The following TERF2IP variants were observed in gnomAD, a reference collection of about 807,000 sequenced individuals.
The protein encoded by TERF2IP is TERF2 interacting protein, also known as telomeric repeat-binding factor 2-interacting protein 1.
TERF2IP carries 35 observed loss-of-function variants against 33.3 expected under a neutral mutation model. That is an observed-to-expected ratio of 1.05 (90% CI 0.80 to 1.39). The LOEUF is 1.39. Among genes scored for constraint, TERF2IP ranks in the 40% most tolerant of loss-of-function variants. The probability of loss-of-function intolerance (pLI) is 0.00; values close to 1 mark genes in which losing one functional copy is unlikely to be tolerated. For synonymous variants in TERF2IP, 253 were observed against 223.2 expected (o/e 1.13, Z -1.19); for missense variants, 583 against 524.8 (o/e 1.11, Z -1.08).
intron 2 of TERF2IP, 133 bp from the exon 3 acceptor site, chr16:75,656,074 T>C: frequency 1.2e-6 from 1 of 834,802 alleles, no homozygotes; most frequent in Admixed American, 2.4e-5. Flanking sequence ...ACACAGCATA[T>C]TAAGAGGAAC....
At chr16:75,651,506 G>T (rs369022628) in intron 1 of TERF2IP, among the ~76,000 whole-genome samples, 3 of 152,212 alleles carry the variant, frequency 2.0e-5, no homozygotes, top group East Asian at 3.8e-4. Context: ...TGGCCAACAT[G>T]ATGAAACTCC....
At chr16:75,651,360 C>T (rs1000855639) in intron 1 of TERF2IP, among the ~76,000 whole-genome samples, 1 of 151,836 alleles carries the variant, frequency 6.6e-6, no homozygotes, top group African/African-American at 2.4e-5. Flanking sequence ...AATAAGCGGC[C>T]GATAAACAAA....
At chr16:75,655,427 A>T (rs1393658413) in intron 2 of TERF2IP, among the ~76,000 whole-genome samples, 2 of 152,258 alleles carry the variant, frequency 1.3e-5, no homozygotes, top group Non-Finnish European at 2.9e-5. Context: ...ATTCATATTA[A>T]CAAAGAAAAA....
In TERF2IP at chr16:75,648,297, G is replaced by C. The variant is rs964930518; in HGVS notation, c.415G>C (p.Ala139Pro). Reference protein sequence around the residue: ...RHAGRIAFTDADDVAILTYVK... With the variant: ...RHAGRIAFTDPDDVAILTYVK... ...CGCCGGGCGGATCGCCTTCACGGAT[G>C]CGGACGACGTAGCCATCCTTACCTA... The change falls in exon 1 of 3, where the codon GCG (alanine) becomes CCG (proline). Residue 139 changes from alanine to proline, a missense_variant. By Grantham distance (27) the Ala-to-Pro change is conservative (BLOSUM62 -1). Coordinates refer to ENST00000300086, the MANE Select transcript of TERF2IP (RefSeq NM_018975.4). 1 of 1,553,970 alleles carries C rather than the reference G, an allele frequency of 6.4e-7. No individual in the cohort carries two copies. Among genetic ancestry groups the C allele is most frequent in the African/African-American group, 1.4e-5 (1 of 73,538 alleles).
At position 75,648,482 on chromosome 16, in the gene TERF2IP, G is replaced by A. The variant is rs775097421; in HGVS notation, c.600G>A (p.Ala200=). 1.3e-6 allele frequency: 2 copies of A among 1,591,372 alleles called. No homozygotes were observed. Among genetic ancestry groups the A allele is most frequent in the Admixed American group, 1.8e-5 (1 of 56,028 alleles). ...AGCATAAGTACCTGCTGGGGGACGCGCCGGTGAGCCCCTCCTCCCAGAAGC... is the reference window on the plus strand; with the variant it reads ...AGCATAAGTACCTGCTGGGGGACGCACCGGTGAGCCCCTCCTCCCAGAAGC... ...GQEHKYLLGD[A]PVSPSSQKLK... The change falls in exon 1 of 3, where the codon GCG becomes GCA. Residue 200 remains alanine (A), a synonymous_variant. Transcript: ENST00000300086.
chr16:75,656,526 A>G lies in TERF2IP; in HGVS notation c.1115A>G (p.Lys372Arg), dbSNP rs145251422. 6.5e-5 allele frequency: 105 copies of G among 1,614,106 alleles called. No homozygotes were observed. Among genetic ancestry groups the G allele is most frequent in the Middle Eastern group, 1.6e-4 (1 of 6,084 alleles). The change falls in exon 3 of 3, where the codon AAA (lysine) becomes AGA (arginine). Residue 372 changes from lysine (K) to arginine (R), a missense_variant. Lys to Arg is a conservative substitution (Grantham distance 26, BLOSUM62 2). Transcript: ENST00000300086. The stretch of plus-strand genomic sequence containing the variant: ...CGACAAGATGACATAGATTTGCAAA[A>G]AGATGATGAGGATACCAGAGAGGCA... ...WSRQDDIDLQ[K>R]DDEDTREALV... is the part of the protein sequence containing the mutation.
chr16:75,652,781 G>A lies in TERF2IP; in HGVS notation c.671-1492G>A, dbSNP rs1406885005. ...GTTCTGTTCAGTGGCATTATTAAGT[G>A]CATTCACATTGTTGGGCAACTGTCA... is the stretch of plus-strand genomic sequence containing the variant. On this transcript the variant is annotated intron_variant, in intron 1 of 2. Coordinates refer to ENST00000300086, the MANE Select transcript of TERF2IP (RefSeq NM_018975.4). Among the ~76,000 whole-genome samples the A allele has an allele frequency of 5.3e-5, 8 of 152,240 alleles. No homozygotes were observed. The East Asian group carries it at 1.5e-3, about 29-fold the overall frequency.
chr16:75,648,006 C>G lies in TERF2IP; in HGVS notation c.124C>G (p.Leu42Val), dbSNP rs1280504901. 1 of 1,613,134 alleles carries G rather than the reference C, an allele frequency of 6.2e-7. No homozygotes were observed. Among genetic ancestry groups the G allele is most frequent in the Admixed American group, 1.7e-5 (1 of 60,006 alleles). Residue 42 changes from leucine (L) to valine (V), a missense_variant, in exon 1 of 3, where the codon CTG becomes GTG. Transcript: ENST00000300086. ...GCGGCCCAGCCCGGCCAAGCGTCGGCTGTCGACGCTCATCCTGCACGGCGG... is the reference window on the plus strand; with the variant it reads ...GCGGCCCAGCCCGGCCAAGCGTCGGGTGTCGACGCTCATCCTGCACGGCGG... ...YVRPSPAKRR[L>V]STLILHGGGT...
chr16:75,655,971 C>T (rs1427035510), intron 2 of TERF2IP, among the ~76,000 whole-genome samples: 1 of 152,032 alleles, frequency 6.6e-6, no homozygotes, highest in Non-Finnish European at 1.5e-5. Flanking sequence ...ATATACTCCC[C>T]CTACCCCTCA....
intron 1 of TERF2IP, 168 bp downstream of exon 1, chr16:75,648,720 G>A: frequency 7.0e-7 from 1 of 1,429,952 alleles, no homozygotes; most frequent in Non-Finnish European, 9.1e-7. Context: ...TCGCTCCCTT[G>A]TTGTTTATTA....
rs760738993 is a variant in TERF2IP at position 75,648,048 on chromosome 16, G to A, written c.166G>A (p.Val56Met). The A allele has an allele frequency of 4.4e-6, 7 of 1,605,762 alleles. No individual in the cohort carries two copies. Among genetic ancestry groups the A allele is most frequent in the Admixed American group, 1.7e-5 (1 of 58,714 alleles). ...GCACGGCGGCGGCACCGTGTGCCGA[G>A]TGCAGGAGCCCGGGGCCGTGCTGCT... The part of the protein sequence containing the change: ...ILHGGGTVCR[V>M]QEPGAVLLAQ... Residue 56 changes from valine to methionine, a missense_variant, in exon 1 of 3, where the codon GTG becomes ATG. Coordinates refer to ENST00000300086, the MANE Select transcript of TERF2IP (RefSeq NM_018975.4).
rs11556638 is a variant in TERF2IP at position 75,648,176 on chromosome 16, C to T, written c.294C>T (p.Ala98=). Residue 98 remains alanine (A), a synonymous_variant, in exon 1 of 3, where the codon GCC becomes GCT. Transcript: ENST00000300086. Reference sequence around the variant, plus strand: ...GCAACGAGAGGCTGGAGCTGGAGGCCTATCGGCTGGGCCCCGCCTCGGCGG... The same window carrying T: ...GCAACGAGAGGCTGGAGCTGGAGGCTTATCGGCTGGGCCCCGCCTCGGCGG... ...VERNERLELE[A]YRLGPASAAD... 1.3e-6 allele frequency: 2 copies of T among 1,563,506 alleles called. No individual in the cohort carries two copies. The highest frequency in any genetic ancestry group is 1.7e-6 in the Non-Finnish European group (2 of 1,156,766).
chr16:75,656,496 G>A lies in TERF2IP; in HGVS notation c.1085G>A (p.Trp362Ter). The A allele has an allele frequency of 6.2e-7, 1 of 1,614,152 alleles. No homozygotes were observed. Among genetic ancestry groups the A allele is most frequent in the Non-Finnish European group, 8.5e-7 (1 of 1,180,032 alleles). Reference protein sequence around the residue: ...SGQRADGYPIWSRQDDIDLQK... With the variant: ...SGQRADGYPI ...CAGAGAGCTGATGGATATCCCATTTGGTCCCGACAAGATGACATAGATTTG... is the reference window on the plus strand; with the variant it reads ...CAGAGAGCTGATGGATATCCCATTTAGTCCCGACAAGATGACATAGATTTG... Residue 362 changes from tryptophan (W) to a stop codon, truncating the protein, a stop_gained, in exon 3 of 3, where the codon TGG (tryptophan) becomes TAG (stop). Transcript: ENST00000300086. LOFTEE classifies it high-confidence loss of function.
At position 75,657,295 on chromosome 16, in the gene TERF2IP, A is replaced by G. The variant is rs559934676; in HGVS notation, c.*684A>G. The G allele has an allele frequency of 1.3e-5, 2 of 152,352 alleles. No individual in the cohort carries two copies. The highest frequency in any genetic ancestry group is 4.1e-4 in the South Asian group (2 of 4,824). The allele number at this position is 152,352 out of a possible 1,614,324, so 9.4% of individuals were successfully genotyped here. On this transcript the variant is annotated 3_prime_UTR_variant, in exon 3 of 3. Transcript: ENST00000300086. The stretch of plus-strand genomic sequence containing the variant: ...CACACAACTCTAGAGAGTGTTAAGA[A>G]TAATGTTACTTGGTTAATGTGTTAT...
intron 1 of TERF2IP, 120 bp downstream of exon 1, chr16:75,648,672 T>A (rs569119795): frequency 7.0e-7 from 1 of 1,434,510 alleles, no homozygotes. Context: ...CCGCCCCCTG[T>A]TGACATCCGG....
At chr16:75,656,064 A>G in intron 2 of TERF2IP, 143 bp from the exon 3 acceptor site, 2 of 789,130 alleles carry the variant, frequency 2.5e-6, no homozygotes, top group Non-Finnish European at 4.1e-6. Flanking sequence ...GTAAGAAGGA[A>G]CACAGCATAT....
chr16:75,651,844 A>G (rs536136990), intron 1 of TERF2IP, among the ~76,000 whole-genome samples: 14 of 152,294 alleles, frequency 9.2e-5, no homozygotes, highest in Middle Eastern at 3.4e-3. Flanking sequence ...TCCATTATAC[A>G]AAATAGAACA....
chr16:75,647,808 C>T lies in TERF2IP; in HGVS notation c.-75C>T. ...TTCGCGGCAGAGGCGTCTGCGGTGACAGCTCAGTCAGTTGAGCTCTGTGTG... is the reference window on the plus strand; with the variant it reads ...TTCGCGGCAGAGGCGTCTGCGGTGATAGCTCAGTCAGTTGAGCTCTGTGTG... On this transcript the variant is annotated 5_prime_UTR_variant, in exon 1 of 3. Coordinates refer to ENST00000300086, the MANE Select transcript of TERF2IP (RefSeq NM_018975.4). 2 of 1,586,622 alleles carry T rather than the reference C, an allele frequency of 1.3e-6. No individual in the cohort carries two copies. Among genetic ancestry groups the T allele is most frequent in the East Asian group, 2.2e-5 (1 of 44,578 alleles).
chr16:75,648,576 T>G (rs1327598770), intron 1 of TERF2IP, 24 bp downstream of exon 1: 1 of 1,510,036 alleles, frequency 6.6e-7, no homozygotes, highest in Non-Finnish European at 8.9e-7. Context: ...GCGCGGGGCC[T>G]CGCGGATATC....
Sources: allele counts gnomAD v4.1 joint callset (sites outside exome capture counted in the v4.1 genomes callset), GRCh38; gene constraint gnomAD v4.1.1; transcripts MANE v1.5; gene names NCBI Gene and HGNC (gene_info 2026-07-23, HGNC 2026-07-21).